DLG2: variants seen among roughly 807,000 people sequenced by gnomAD.
The protein encoded by DLG2 is disks large homolog 2.
In DLG2, 45 loss-of-function variants were observed where a neutral mutation model predicts 132.5. The observed-to-expected ratio is 0.34, with a 90% confidence interval of 0.27 to 0.44. DLG2 has a LOEUF of 0.44. Among genes scored for constraint, DLG2 ranks in the 20% least tolerant of loss-of-function variants. DLG2 has a pLI of 1.00. For synonymous variants in DLG2, 424 were observed against 419.6 expected (o/e 1.01, Z -0.13); for missense variants, 1,045 against 1,196.9 (o/e 0.87, Z 1.87).
intron 18 of DLG2, among the ~76,000 whole-genome samples, chr11:83,724,109 T>A (rs985997368): frequency 3.9e-5 from 6 of 152,020 alleles, no homozygotes; most frequent in African/African-American, 1.4e-4. Flanking sequence ...GATGTTAGAG[T>A]CTAGCTTTCC....
chr11:83,751,975 AAG>A (rs1174967331), intron 18 of DLG2, among the ~76,000 whole-genome samples: 1 of 152,226 alleles, frequency 6.6e-6, no homozygotes, highest in Non-Finnish European at 1.5e-5. Flanking sequence ...AGAGATAAAA[AAG>A]AGAGGACTTG....
intron 8 of DLG2, among the ~76,000 whole-genome samples, chr11:84,243,013 CTCTCTA>C (rs1487825905): frequency 1.5e-4 from 21 of 144,516 alleles, no homozygotes; most frequent in African/African-American, 3.9e-4. Context: ...CTCTCTCTCT[CTCTCTA>C]TATATATATA....
chr11:84,801,496 C>A (rs191940390), intron 6 of DLG2, among the ~76,000 whole-genome samples: 46 of 152,152 alleles, frequency 3.0e-4, no homozygotes, highest in African/African-American at 1.1e-3. Flanking sequence ...GCGTGAAGGG[C>A]GCTTGCAGTG....
chr11:85,060,023 T>C (rs2063882890), intron 6 of DLG2, among the ~76,000 whole-genome samples: 1 of 151,612 alleles, frequency 6.6e-6, no homozygotes, highest in South Asian at 2.1e-4. Context: ...ATAAGCACAA[T>C]GCTGTACAGT....
intron 17 of DLG2, among the ~76,000 whole-genome samples, chr11:83,795,814 T>C (rs2042689077): frequency 6.6e-6 from 1 of 152,220 alleles, no homozygotes; most frequent in African/African-American, 2.4e-5. Context: ...GGAAGTCTTG[T>C]GATCTTCTTC....
intron 21 of DLG2, among the ~76,000 whole-genome samples, chr11:83,524,675 C>T (rs2095561634): frequency 6.6e-6 from 1 of 152,174 alleles, no homozygotes; most frequent in East Asian, 1.9e-4. Flanking sequence ...GACCTGGTTT[C>T]CAACTTCTCT....
intron 8 of DLG2, among the ~76,000 whole-genome samples, chr11:84,164,378 G>A (rs934286947): frequency 1.3e-5 from 2 of 152,086 alleles, no homozygotes; most frequent in South Asian, 2.1e-4. Flanking sequence ...TTTCTGATAC[G>A]TGTCTTGGCA....
At chr11:83,773,069 A>G (rs1461401578) in intron 18 of DLG2, among the ~76,000 whole-genome samples, 6 of 152,378 alleles carry the variant, frequency 3.9e-5, no homozygotes, top group African/African-American at 1.4e-4. Context: ...TAGCAAACTT[A>G]TGGAAAGCCT....
intron 6 of DLG2, among the ~76,000 whole-genome samples, chr11:84,628,393 T>A (rs2099626336): frequency 6.6e-6 from 1 of 152,210 alleles, no homozygotes; most frequent in Admixed American, 6.5e-5. Flanking sequence ...GTTTACAATC[T>A]CTGCCCTTGA....
At chr11:85,552,091 A>T (rs1230595056) in intron 3 of DLG2, among the ~76,000 whole-genome samples, 4 of 145,994 alleles carry the variant, frequency 2.7e-5, no homozygotes, top group African/African-American at 9.9e-5. Context: ...AATGGGACTT[A>T]AAAGAAAAAA....
intron 8 of DLG2, among the ~76,000 whole-genome samples, chr11:84,224,598 A>G (rs2154330192): frequency 6.6e-6 from 1 of 152,320 alleles, no homozygotes; most frequent in Admixed American, 6.5e-5. Context: ...TCTTAATCCT[A>G]TGTGATAGAT....
intron 7 of DLG2, among the ~76,000 whole-genome samples, chr11:84,384,765 C>T (rs189217689): frequency 4.7e-4 from 71 of 152,102 alleles, no homozygotes; most frequent in African/African-American, 1.6e-3. Context: ...ACATGTTGTT[C>T]CAGTAAAACT....
At chr11:84,667,603 T>A (rs1051897153) in intron 6 of DLG2, among the ~76,000 whole-genome samples, 1 of 150,888 alleles carries the variant, frequency 6.6e-6, no homozygotes, top group Non-Finnish European at 1.5e-5. Flanking sequence ...TTCAAGCAAT[T>A]CTCCTGCCTC....
chr11:84,494,251 A>G (rs1021073893), intron 7 of DLG2, among the ~76,000 whole-genome samples: 1 of 152,160 alleles, frequency 6.6e-6, no homozygotes, highest in Non-Finnish European at 1.5e-5. Flanking sequence ...TCTTAATCGG[A>G]AAGAATATGC....
At chr11:85,012,016 A>T (rs1296215979) in intron 6 of DLG2, among the ~76,000 whole-genome samples, 1 of 152,146 alleles carries the variant, frequency 6.6e-6, no homozygotes, top group Non-Finnish European at 1.5e-5. Flanking sequence ...TAGGTATATA[A>T]ACAGATCATT....
intron 6 of DLG2, among the ~76,000 whole-genome samples, chr11:85,015,877 T>C (rs1338190193): frequency 6.6e-6 from 1 of 152,114 alleles, no homozygotes; most frequent in African/African-American, 2.4e-5. Flanking sequence ...ACTTATCTCA[T>C]AGAAATTACA....
chr11:83,504,318 GC>G (rs2094587950), intron 21 of DLG2, among the ~76,000 whole-genome samples: 1 of 152,084 alleles, frequency 6.6e-6, no homozygotes, highest in Non-Finnish European at 1.5e-5. Context: ...AAGGGCCTGG[GC>G]TATCCCTTCC....
At chr11:84,077,604 A>C (rs1280539494) in intron 10 of DLG2, among the ~76,000 whole-genome samples, 2 of 152,236 alleles carry the variant, frequency 1.3e-5, no homozygotes, top group Admixed American at 1.3e-4. Flanking sequence ...AATTGTTATA[A>C]ATTTAAATAG....
At chr11:85,340,087 C>G (rs1359844584) in intron 3 of DLG2, among the ~76,000 whole-genome samples, 1 of 152,162 alleles carries the variant, frequency 6.6e-6, no homozygotes, top group Non-Finnish European at 1.5e-5. Context: ...GTGGCGATTC[C>G]TCAAGGATCT....
Sources: allele counts gnomAD v4.1 joint callset (sites outside exome capture counted in the v4.1 genomes callset), GRCh38; gene constraint gnomAD v4.1.1; transcripts MANE v1.5; gene names NCBI Gene and HGNC (gene_info 2026-07-23, HGNC 2026-07-21).